SNTB2: variants seen among roughly 807,000 people sequenced by gnomAD.
SNTB2 encodes the protein syntrophin beta 2.
In SNTB2, 34 loss-of-function variants were observed where a neutral mutation model predicts 46.2. The observed-to-expected ratio is 0.74, with a 90% confidence interval of 0.56 to 0.98. The LOEUF is 0.98. SNTB2 is among the 50% of genes least tolerant of loss of function. SNTB2 has a pLI of 0.00. For synonymous variants in SNTB2, 290 were observed against 312.6 expected (o/e 0.93, Z 0.76); for missense variants, 603 against 731.4 (o/e 0.82, Z 2.02).
At chr16:69,231,376 G>C (rs932863397) in intron 1 of SNTB2, among the ~76,000 whole-genome samples, 2 of 151,998 alleles carry the variant, frequency 1.3e-5, no homozygotes, top group African/African-American at 4.8e-5. Context: ...ATCATCTGAG[G>C]TGGGGAGATG....
intron 1 of SNTB2, among the ~76,000 whole-genome samples, chr16:69,193,899 C>G (rs889816107): frequency 2.0e-5 from 3 of 152,332 alleles, no homozygotes; most frequent in Non-Finnish European, 2.9e-5. Context: ...CTCTGTTTCT[C>G]TCTGAGAATG....
intron 1 of SNTB2, among the ~76,000 whole-genome samples, chr16:69,229,519 C>T (rs1964486704): frequency 6.7e-6 from 1 of 148,548 alleles, no homozygotes; most frequent in Admixed American, 6.7e-5. Flanking sequence ...ACTCTGTCAC[C>T]CAGGCTGAAG....
intron 2 of SNTB2, among the ~76,000 whole-genome samples, chr16:69,258,609 T>C (rs867571059): frequency 2.1e-4 from 30 of 140,624 alleles, no homozygotes; most frequent in Admixed American, 5.7e-4. Context: ...TTCTTTCTTT[T>C]TTTTTTTTTT....
At chr16:69,228,505 CAAA>C (rs778681180) in intron 1 of SNTB2, among the ~76,000 whole-genome samples, 4 of 50,174 alleles carry the variant, frequency 8.0e-5, no homozygotes, top group African/African-American at 1.4e-4. Flanking sequence ...GACTCTATCT[CAAA>C]AAAAAAAAAA....
chr16:69,205,668 C>T (rs943876618), intron 1 of SNTB2, among the ~76,000 whole-genome samples: 3 of 152,002 alleles, frequency 2.0e-5, no homozygotes, highest in African/African-American at 7.2e-5. Context: ...TATTTTCTTT[C>T]CCATTTTCTC....
At chr16:69,253,288 TTTTAA>T (rs1023862571) in intron 2 of SNTB2, among the ~76,000 whole-genome samples, 12 of 152,156 alleles carry the variant, frequency 7.9e-5, no homozygotes, top group African/African-American at 2.9e-4. Context: ...TTGCTGTTTC[TTTTAA>T]TTTAATTTTC....
intron 1 of SNTB2, among the ~76,000 whole-genome samples, chr16:69,233,116 T>G (rs1195541554): frequency 6.6e-6 from 1 of 152,190 alleles, no homozygotes; most frequent in Non-Finnish European, 1.5e-5. Context: ...CACTACTGCT[T>G]CTTAGGGCAT....
intron 1 of SNTB2, among the ~76,000 whole-genome samples, chr16:69,227,571 GA>G (rs2152294460): frequency 1.3e-5 from 2 of 152,286 alleles, no homozygotes; most frequent in Non-Finnish European, 2.9e-5. Flanking sequence ...GGGTGACTAG[GA>G]AAAAAGTTTA....
intron 1 of SNTB2, among the ~76,000 whole-genome samples, chr16:69,240,354 A>G (rs1964599017): frequency 1.3e-5 from 2 of 152,140 alleles, no homozygotes; most frequent in South Asian, 4.1e-4. Context: ...TCAAACCCCA[A>G]ATGGCCAGGA....
chr16:69,222,993 A>G (rs1964421733), intron 1 of SNTB2, among the ~76,000 whole-genome samples: 1 of 152,024 alleles, frequency 6.6e-6, no homozygotes, highest in South Asian at 2.1e-4. Flanking sequence ...CACAGTGGCC[A>G]GGCTGGTCTC....
At chr16:69,291,921 T>G (rs563147949) in intron 5 of SNTB2, among the ~76,000 whole-genome samples, 1 of 151,312 alleles carries the variant, frequency 6.6e-6, no homozygotes, top group African/African-American at 2.4e-5. Flanking sequence ...AGACCCTGTC[T>G]TAAAAATAAA....
rs555028051 is a variant in SNTB2 at position 69,245,709 on chromosome 16, G to T, written c.688G>T (p.Asp230Tyr). The change falls in exon 2 of 7, where the codon GAC becomes TAC. Residue 230 changes from aspartate to tyrosine, a missense_variant. Asp to Tyr is a radical substitution (Grantham distance 160). This residue lies in a region of SNTB2 where 537 missense variants were observed against 692.4 expected (regional missense o/e 0.78). Coordinates refer to ENST00000336278, the MANE Select transcript of SNTB2 (RefSeq NM_006750.4). ...GTCACCAAGCTTTAGTGGCAGTGAG[G>T]ACTCTGGTTCGCCAAAACACCAGAA... ...PQSPSFSGSE[D>Y]SGSPKHQNST... 3 of 1,614,104 alleles carry T rather than the reference G, an allele frequency of 1.9e-6. No individual in the cohort carries two copies. The highest frequency in any genetic ancestry group is 2.2e-5 in the South Asian group (2 of 91,072).
intron 2 of SNTB2, among the ~76,000 whole-genome samples, chr16:69,259,763 C>T (rs1411501859): frequency 2.0e-5 from 3 of 151,676 alleles, no homozygotes; most frequent in Non-Finnish European, 4.4e-5. Flanking sequence ...GCACCCACCA[C>T]CATGTCCGGC....
At position 69,245,350 on chromosome 16, in the gene SNTB2, C is replaced by T. The variant is rs147258116; in HGVS notation, c.581-252C>T. ...TTGGGACTACAGGCGCATGCCACCA[C>T]GCTCACCTAATTTTTTGTATTTTTG... On this transcript the variant is annotated intron_variant, in intron 1 of 6. Transcript: ENST00000336278. Among the ~76,000 whole-genome samples, 1,194 of 152,130 alleles carry T rather than the reference C, an allele frequency of 7.8e-3. 38 individuals are homozygous for T. The highest frequency in any genetic ancestry group is 0.053 in the East Asian group (273 of 5,160).
intron 1 of SNTB2, among the ~76,000 whole-genome samples, chr16:69,238,624 G>C (rs1964580399): frequency 6.6e-6 from 1 of 152,136 alleles, no homozygotes; most frequent in Non-Finnish European, 1.5e-5. Flanking sequence ...ATTGTCTAAT[G>C]TATGTCTCAA....
At chr16:69,241,109 C>CAT (rs768442026) in intron 1 of SNTB2, among the ~76,000 whole-genome samples, 20,859 of 150,112 alleles carry the variant, frequency 0.14, 1,572 homozygotes, top group Middle Eastern at 0.23. Flanking sequence ...ATCCACTCGC[C>CAT]TTGGCCTCCC....
intron 2 of SNTB2, among the ~76,000 whole-genome samples, chr16:69,252,252 C>T (rs185353234): frequency 3.3e-5 from 5 of 152,298 alleles, no homozygotes; most frequent in African/African-American, 7.2e-5. Flanking sequence ...TGAGTAAGTA[C>T]AGGGGAAGAG....
intron 3 of SNTB2, among the ~76,000 whole-genome samples, chr16:69,265,668 A>T (rs981957564): frequency 2.0e-5 from 3 of 151,716 alleles, no homozygotes; most frequent in Admixed American, 6.6e-5. Flanking sequence ...CTCTACTAAA[A>T]ATACAAAACT....
intron 1 of SNTB2, among the ~76,000 whole-genome samples, chr16:69,238,648 C>T (rs992703439): frequency 2.6e-5 from 4 of 152,148 alleles, no homozygotes; most frequent in African/African-American, 9.7e-5. Flanking sequence ...CCTGATCTTT[C>T]TTCTAAAGCT....
Sources: allele counts gnomAD v4.1 joint callset (sites outside exome capture counted in the v4.1 genomes callset), GRCh38; gene constraint gnomAD v4.1.1; regional missense constraint gnomAD v4.1.1; transcripts MANE v1.5; gene names NCBI Gene and HGNC (gene_info 2026-07-23, HGNC 2026-07-21).